MALRD1: variants seen among roughly 807,000 people sequenced by gnomAD.
MALRD1 encodes the protein MAM and LDL receptor class A domain containing 1, also known as MAM and LDL-receptor class A domain-containing protein 1.
Under a neutral mutation model 242.1 loss-of-function variants are expected in MALRD1, and 247 were observed. That is an observed-to-expected ratio of 1.02 (90% confidence interval 0.92 to 1.13). The LOEUF (loss-of-function observed/expected upper bound fraction) is 1.13, where lower values mean the gene tolerates loss of function less well. Among genes scored for constraint, MALRD1 ranks in the 50% most tolerant of loss-of-function variants. The pLI is 0.00. For missense variants in MALRD1, 2,989 were observed against 2,533.1 expected, an observed-to-expected ratio of 1.18 and a Z score of -3.86; for synonymous variants, 995 against 866.6, an observed-to-expected ratio of 1.15 and a Z score of -2.60.
Position 19,146,311 on chromosome 10 carries a change from C to G in MALRD1, c.1525C>G (p.Pro509Ala). 2.4e-6 allele frequency: 3 copies of G among 1,231,602 alleles called. No individual in the cohort carries two copies. Among genetic ancestry groups the G allele is most frequent in the Non-Finnish European group, 3.0e-6 (3 of 987,896 alleles). The allele number at this position is 1,231,602 out of a possible 1,614,324, so 76.3% of individuals were successfully genotyped here. Residue 509 changes from proline (P) to alanine (A), a missense_variant, in exon 11 of 40, where the codon CCT (proline) becomes GCT (alanine). Coordinates refer to ENST00000454679, the MANE Select transcript of MALRD1 (RefSeq NM_001142308.3). ...ATTGAATAATGGAGAGCACCACTTT[C>G]CTGCAGCTGATCACACAGCAAACAT... ...KGLNNGEHHF[P>A]AADHTANINH...
intron 32 of MALRD1, among the ~76,000 whole-genome samples, chr10:19,534,918 G>A (rs983537838): frequency 3.4e-5 from 5 of 148,116 alleles, no homozygotes; most frequent in African/African-American, 1.3e-4. Context: ...ATGAAGTCTC[G>A]CTCTGTTGCC....
intron 14 of MALRD1, among the ~76,000 whole-genome samples, chr10:19,196,787 A>G (rs1462095742): frequency 1.3e-5 from 2 of 152,082 alleles, no homozygotes; most frequent in Admixed American, 6.6e-5. Flanking sequence ...TGGTACCTCC[A>G]TGGTTCCAAA....
chr10:19,283,032 C>T lies in MALRD1; in HGVS notation c.3270C>T (p.Cys1090=), dbSNP rs746678904. The T allele has an allele frequency of 2.3e-4, 351 of 1,543,974 alleles. 1 individual carries two copies. The highest frequency in any genetic ancestry group is 2.8e-4 in the Non-Finnish European group (318 of 1,143,274). ...SDEASCVMEV[C]SFEKRSLCKW... is the part of the protein sequence containing the mutation. ...ACCCCATCCAAGTTATGGAAGTTTG[C>T]AGCTTTGAGAAAAGAAGCCTGTGTA... Residue 1090 remains cysteine, a synonymous_variant, in exon 21 of 40, where the codon TGC becomes TGT. Transcript: ENST00000454679.
At chr10:19,053,510 G>A (rs952660612) in intron 1 of MALRD1, among the ~76,000 whole-genome samples, 7 of 152,242 alleles carry the variant, frequency 4.6e-5, no homozygotes, top group Admixed American at 2.0e-4. Context: ...AAATTGCTTC[G>A]TCTTTCCACT....
intron 20 of MALRD1, among the ~76,000 whole-genome samples, chr10:19,280,999 A>G (rs1840777360): frequency 1.3e-5 from 2 of 152,226 alleles, no homozygotes; most frequent in African/African-American, 4.8e-5. Flanking sequence ...TAACACAGAG[A>G]GAGTAGTGAA....
chr10:19,122,198 A>G (rs1482741149), intron 5 of MALRD1, among the ~76,000 whole-genome samples: 1 of 152,222 alleles, frequency 6.6e-6, no homozygotes, highest in African/African-American at 2.4e-5. Flanking sequence ...ATAACTGAAA[A>G]TAATTTAGGA....
intron 31 of MALRD1, among the ~76,000 whole-genome samples, chr10:19,505,881 G>A (rs1833105749): frequency 1.3e-5 from 2 of 152,144 alleles, no homozygotes; most frequent in Admixed American, 6.5e-5. Context: ...CATAGTTGGG[G>A]TTACACAGGA....
chr10:19,099,961 A>T (rs962594990), intron 4 of MALRD1, among the ~76,000 whole-genome samples: 1 of 152,010 alleles, frequency 6.6e-6, no homozygotes, highest in African/African-American at 2.4e-5. Flanking sequence ...GGGTTTCGCC[A>T]TGTTGGCCAG....
At chr10:19,554,998 T>C (rs1398110675) in intron 32 of MALRD1, among the ~76,000 whole-genome samples, 2 of 152,148 alleles carry the variant, frequency 1.3e-5, no homozygotes. Flanking sequence ...TGAACTAGTT[T>C]ACATTCCTAC....
At chr10:19,691,273 G>T (rs186054671) in intron 36 of MALRD1, among the ~76,000 whole-genome samples, 2 of 151,982 alleles carry the variant, frequency 1.3e-5, no homozygotes, top group Admixed American at 1.3e-4. Context: ...AGAAAGAAAG[G>T]CATTCTGATA....
chr10:19,370,570 A>ATTGTT (rs1285420474), intron 26 of MALRD1, among the ~76,000 whole-genome samples: 3 of 152,000 alleles, frequency 2.0e-5, no homozygotes, highest in East Asian at 1.9e-4. Context: ...AAATTCACAT[A>ATTGTT]TTGTTTTGTT....
chr10:19,478,244 G>T (rs745606219), intron 29 of MALRD1, among the ~76,000 whole-genome samples: 1 of 152,170 alleles, frequency 6.6e-6, no homozygotes, highest in African/African-American at 2.4e-5. Context: ...CTAAGCAAAA[G>T]CTATCTGAAC....
chr10:19,517,109 A>G (rs1276350627), intron 31 of MALRD1, among the ~76,000 whole-genome samples: 5 of 152,214 alleles, frequency 3.3e-5, no homozygotes, highest in Admixed American at 2.6e-4. Flanking sequence ...TAATTCTAAC[A>G]AACGTTTTTC....
intron 12 of MALRD1, among the ~76,000 whole-genome samples, chr10:19,158,011 C>T (rs1207484980): frequency 6.6e-6 from 1 of 152,158 alleles, no homozygotes; most frequent in Non-Finnish European, 1.5e-5. Flanking sequence ...CTTCAAAAGT[C>T]CTTTCAGCCA....
intron 26 of MALRD1, among the ~76,000 whole-genome samples, chr10:19,381,342 C>G (rs888904066): frequency 1.3e-5 from 2 of 151,554 alleles, no homozygotes; most frequent in African/African-American, 4.9e-5. Context: ...CAAGTCTTTG[C>G]TATTGTGAAT....
At chr10:19,568,644 C>T (rs770946216) in intron 33 of MALRD1, among the ~76,000 whole-genome samples, 1 of 151,902 alleles carries the variant, frequency 6.6e-6, no homozygotes, top group Non-Finnish European at 1.5e-5. Flanking sequence ...TTCTCATCTT[C>T]ATTACTCCTC....
intron 18 of MALRD1, among the ~76,000 whole-genome samples, chr10:19,233,230 G>A (rs989756431): frequency 8.5e-5 from 13 of 152,212 alleles, no homozygotes; most frequent in Admixed American, 3.9e-4. Flanking sequence ...GGCTGGGCGC[G>A]GTGGCTCACG....
intron 29 of MALRD1, among the ~76,000 whole-genome samples, chr10:19,490,186 A>C (rs1193626503): frequency 1.3e-5 from 2 of 152,180 alleles, no homozygotes; most frequent in African/African-American, 2.4e-5. Flanking sequence ...TCCTCAACCA[A>C]TACAATGTCA....
At chr10:19,459,632 G>T (rs1835833989) in intron 29 of MALRD1, among the ~76,000 whole-genome samples, 1 of 152,008 alleles carries the variant, frequency 6.6e-6, no homozygotes. Flanking sequence ...AGCCATGGAT[G>T]AATCTAATTA....
Sources: gnomAD v4.1 joint callset for allele counts (sites outside exome capture counted in the v4.1 genomes callset) on GRCh38, gnomAD v4.1.1 for gene constraint, MANE v1.5 for transcripts, NCBI Gene and HGNC (gene_info 2026-07-23, HGNC 2026-07-21) for gene names.